LRFN5: variants seen among roughly 807,000 people sequenced by gnomAD.
LRFN5 encodes leucine-rich repeat and fibronectin type-III domain-containing protein 5.
LRFN5 carries 24 observed loss-of-function variants against 45.6 expected under a neutral mutation model. That is an observed-to-expected ratio of 0.53 (90% CI 0.38 to 0.74). The LOEUF (loss-of-function observed/expected upper bound fraction) is 0.74, where lower values mean the gene tolerates loss of function less well. Ranked by LOEUF, LRFN5 falls within the 30% of genes least tolerant of loss-of-function variation. The pLI, the probability that LRFN5 is intolerant of heterozygous loss-of-function variation, is 0.00. For synonymous variants in LRFN5, 340 were observed against 313.8 expected (o/e 1.08, Z -0.88); for missense variants, 776 against 861.5 (o/e 0.90, Z 1.24).
chr14:41,655,142 A>G (rs1227257063), intron 1 of LRFN5, among the ~76,000 whole-genome samples: 1 of 151,988 alleles, frequency 6.6e-6, no homozygotes. Flanking sequence ...TACAAGACAA[A>G]CTGTCTATGG....
At chr14:41,734,345 T>TATATATATATATATATATATATA (rs1884329590) in intron 1 of LRFN5, among the ~76,000 whole-genome samples, 3 of 112,326 alleles carry the variant, frequency 2.7e-5, no homozygotes, top group Non-Finnish European at 3.8e-5. Flanking sequence ...TATATATATA[T>TATATATATATATATATATATATA]TTAAATTTGC....
At chr14:41,612,782 G>C (rs1887800506) in intron 1 of LRFN5, among the ~76,000 whole-genome samples, 1 of 152,060 alleles carries the variant, frequency 6.6e-6, no homozygotes, top group Non-Finnish European at 1.5e-5. Context: ...AGCTATTCCA[G>C]TTAGAGGTGA....
intron 1 of LRFN5, among the ~76,000 whole-genome samples, chr14:41,762,469 A>G (rs1885712681): frequency 6.6e-6 from 1 of 152,162 alleles, no homozygotes; most frequent in South Asian, 2.1e-4. Context: ...TCCAATAACA[A>G]ATGCATTTTC....
intron 1 of LRFN5, among the ~76,000 whole-genome samples, chr14:41,706,292 G>A (rs914862356): frequency 7.2e-5 from 11 of 152,082 alleles, no homozygotes; most frequent in South Asian, 2.1e-4. Flanking sequence ...TAGAGACAGC[G>A]TTTCTCCATG....
At chr14:41,839,530 A>T (rs1465171396) in intron 2 of LRFN5, among the ~76,000 whole-genome samples, 1 of 152,098 alleles carries the variant, frequency 6.6e-6, no homozygotes, top group Non-Finnish European at 1.5e-5. Context: ...GGTAGCAGCT[A>T]TCTTATTTTT....
chr14:41,893,788 G>A lies in LRFN5; in HGVS notation c.2098+1826G>A, dbSNP rs567341791. 41 of 985,206 alleles carry A rather than the reference G, an allele frequency of 4.2e-5. No individual in the cohort carries two copies. In the East Asian group the frequency reaches 4.5e-4, roughly 11 times the overall value. 61.0% of individuals were successfully genotyped at this position (985,206 alleles called of 1,614,324 possible). On this transcript the variant is annotated intron_variant, in intron 4 of 5. Coordinates refer to ENST00000298119, the MANE Select transcript of LRFN5 (RefSeq NM_152447.5). Reference sequence around the variant, plus strand: ...TCCAATGGGCTTTTTTATTTTAGGCGTTTGCTAAATCCCTTCTCTGCCCTG... The same window carrying A: ...TCCAATGGGCTTTTTTATTTTAGGCATTTGCTAAATCCCTTCTCTGCCCTG...
chr14:41,664,228 A>G (rs1880791015), intron 1 of LRFN5, among the ~76,000 whole-genome samples: 1 of 152,070 alleles, frequency 6.6e-6, no homozygotes, highest in South Asian at 2.1e-4. Context: ...TTGTACCTTT[A>G]ACTTAAAATA....
chr14:41,841,848 A>G (rs1888871094), intron 2 of LRFN5, among the ~76,000 whole-genome samples: 1 of 151,876 alleles, frequency 6.6e-6, no homozygotes, highest in Non-Finnish European at 1.5e-5. Context: ...ATTATAAAAA[A>G]TAAATTATAT....
intron 2 of LRFN5, among the ~76,000 whole-genome samples, chr14:41,879,739 A>G (rs1040915829): frequency 7.3e-6 from 1 of 137,634 alleles, no homozygotes; most frequent in Non-Finnish European, 1.5e-5. Flanking sequence ...TTGTCTATAC[A>G]TTTTCTTCTA....
At chr14:41,796,498 A>T (rs555048666) in intron 2 of LRFN5, among the ~76,000 whole-genome samples, 1 of 152,074 alleles carries the variant, frequency 6.6e-6, no homozygotes, top group South Asian at 2.1e-4. Flanking sequence ...GCTTTTAAAA[A>T]GCCTGGGTAA....
At chr14:41,739,809 AT>A (rs1299473068) in intron 1 of LRFN5, among the ~76,000 whole-genome samples, 1 of 152,004 alleles carries the variant, frequency 6.6e-6, no homozygotes, top group African/African-American at 2.4e-5. Flanking sequence ...TTGACAAACC[AT>A]TAGCTAGACT....
chr14:41,714,813 G>A (rs988085641), intron 1 of LRFN5, among the ~76,000 whole-genome samples: 4 of 152,150 alleles, frequency 2.6e-5, no homozygotes, highest in Non-Finnish European at 2.9e-5. Context: ...GCTGAGGCAG[G>A]AGTGTTGCTT....
chr14:41,773,925 C>A (rs1886183444), intron 2 of LRFN5, among the ~76,000 whole-genome samples: 1 of 152,174 alleles, frequency 6.6e-6, no homozygotes, highest in Non-Finnish European at 1.5e-5. Flanking sequence ...CATACTGATA[C>A]AACAGCTACA....
intron 1 of LRFN5, among the ~76,000 whole-genome samples, chr14:41,716,267 T>C (rs555390753): frequency 1.3e-5 from 2 of 152,222 alleles, no homozygotes; most frequent in East Asian, 1.9e-4. Flanking sequence ...GGGATTAACA[T>C]TGGGCTCCTT....
chr14:41,628,839 G>A (rs1888436208), intron 1 of LRFN5, among the ~76,000 whole-genome samples: 2 of 152,080 alleles, frequency 1.3e-5, no homozygotes, highest in African/African-American at 2.4e-5. Context: ...AGTGTGTAAG[G>A]TGACATCTCA....
chr14:41,750,981 C>A (rs964060142), intron 1 of LRFN5, among the ~76,000 whole-genome samples: 1 of 152,068 alleles, frequency 6.6e-6, no homozygotes, highest in Non-Finnish European at 1.5e-5. Flanking sequence ...CAGCCCCCTA[C>A]GTCCCGACAG....
At chr14:41,707,884 T>G (rs1883131324) in intron 1 of LRFN5, among the ~76,000 whole-genome samples, 1 of 152,052 alleles carries the variant, frequency 6.6e-6, no homozygotes, top group South Asian at 2.1e-4. Flanking sequence ...CAAAAGTTTC[T>G]TGGCCCCTAA....
chr14:41,755,732 G>A (rs941664443), intron 1 of LRFN5, among the ~76,000 whole-genome samples: 5 of 152,184 alleles, frequency 3.3e-5, no homozygotes, highest in Non-Finnish European at 7.3e-5. Flanking sequence ...TTGCCAGTCT[G>A]TGTCTTTTAA....
intron 1 of LRFN5, among the ~76,000 whole-genome samples, chr14:41,708,913 T>C (rs1374604571): frequency 4.6e-5 from 7 of 152,030 alleles, no homozygotes; most frequent in Admixed American, 4.6e-4. Context: ...CTTTCATGTA[T>C]TGTGAGCCTA....
Sources: gnomAD v4.1 joint callset for allele counts (sites outside exome capture counted in the v4.1 genomes callset) on GRCh38, gnomAD v4.1.1 for gene constraint, MANE v1.5 for transcripts, NCBI Gene and HGNC (gene_info 2026-07-23, HGNC 2026-07-21) for gene names.